The following ZNF813 variants were observed in gnomAD, a reference collection of about 807,000 sequenced individuals.
ZNF813 encodes zinc finger protein 813.
A neutral mutation model predicts 7.2 loss-of-function variants in ZNF813; 3 were observed. That is an observed-to-expected ratio of 0.42 (90% confidence interval 0.19 to 1.08). The LOEUF (loss-of-function observed/expected upper bound fraction) is 1.08, where lower values mean the gene tolerates loss of function less well. Ranked by LOEUF, ZNF813 falls within the 50% of genes least tolerant of loss-of-function variation. The pLI is 0.30. For synonymous variants in ZNF813, 227 were observed against 256.3 expected (o/e 0.89, Z 1.09); for missense variants, 714 against 753.3 (o/e 0.95, Z 0.61).
At chr19:53,469,808 TA>T (rs1176091225) in intron 1 of ZNF813, among the ~76,000 whole-genome samples, 105 of 126,462 alleles carry the variant, frequency 8.3e-4, no homozygotes, top group Middle Eastern at 3.9e-3. Flanking sequence ...GGACAGGGGG[TA>T]TAACAGGGAA....
chr19:53,472,493 C>A (rs1018919849), intron 1 of ZNF813, among the ~76,000 whole-genome samples: 2 of 151,706 alleles, frequency 1.3e-5, no homozygotes, highest in African/African-American at 4.9e-5. Context: ...TTTCTTTTGA[C>A]CTTGCATGTA....
At chr19:53,473,035 T>C (rs1423472819) in intron 1 of ZNF813, among the ~76,000 whole-genome samples, 1 of 152,172 alleles carries the variant, frequency 6.6e-6, no homozygotes, top group Non-Finnish European at 1.5e-5. Context: ...CACATTTCTA[T>C]AGTTGCTTTT....
chr19:53,475,272 TC>T (rs2086376733), intron 1 of ZNF813, among the ~76,000 whole-genome samples: 2 of 152,368 alleles, frequency 1.3e-5, no homozygotes, highest in African/African-American at 4.8e-5. Context: ...GAGCTGATGT[TC>T]CGGTAGGCAG....
intron 1 of ZNF813, among the ~76,000 whole-genome samples, chr19:53,475,143 CTTTA>C (rs2086376291): frequency 6.6e-6 from 1 of 152,140 alleles, no homozygotes; most frequent in South Asian, 2.1e-4. Context: ...AGTCCTCTCT[CTTTA>C]TATATAGTTC....
intron 1 of ZNF813, among the ~76,000 whole-genome samples, chr19:53,481,429 C>T (rs2086408321): frequency 6.8e-6 from 1 of 147,762 alleles, no homozygotes; most frequent in Non-Finnish European, 1.5e-5. Flanking sequence ...TCACTACAAC[C>T]TCTGCCTCCT....
intron 1 of ZNF813, among the ~76,000 whole-genome samples, chr19:53,482,354 C>T (rs1378914865): frequency 6.6e-6 from 1 of 152,186 alleles, no homozygotes; most frequent in African/African-American, 2.4e-5. Flanking sequence ...TCCCGTGTTC[C>T]CCAGGACAAA....
chr19:53,480,109 C>T, intron 1 of ZNF813: 6 of 761,838 alleles, frequency 7.9e-6, no homozygotes. Context: ...CAGTCCCACC[C>T]TGCTGCTGCT....
Position 53,491,801 on chromosome 19 carries a change from C to T in ZNF813, c.1569C>T (p.Tyr523=), listed in dbSNP as rs1179165644. Residue 523 remains tyrosine (Y), a synonymous_variant, in exon 4 of 4, where the codon TAC becomes TAT. Transcript: ENST00000396403. ...GACTTCATACTGGAGAGAAACCTTA[C>T]AAGTGTAATGAATGTGGCAAGGTTT... ...HHRLHTGEKP[Y]KCNECGKVFN... 1.2e-6 allele frequency: 2 copies of T among 1,613,720 alleles called. No homozygotes were observed. The highest frequency in any genetic ancestry group is 1.1e-5 in the South Asian group (1 of 90,992).
At position 53,491,869 on chromosome 19, in the gene ZNF813, C is replaced by A. The variant is rs1340855980; in HGVS notation, c.1637C>A (p.Thr546Asn). 1 of 1,613,276 alleles carries A rather than the reference C, an allele frequency of 6.2e-7. No homozygotes were observed. Among genetic ancestry groups the A allele is most frequent in the African/African-American group, 1.3e-5 (1 of 74,856 alleles). The change falls in exon 4 of 4, where the codon ACT (threonine) becomes AAT (asparagine). Residue 546 changes from threonine (T) to asparagine (N), a missense_variant. Around this residue, in one of 3 missense-constraint regions of ZNF813, gnomAD observed 122 missense variants for 146.8 expected, o/e 0.83. Transcript: ENST00000396403. ...CTTGCACATCATCATAGACTTCATA[C>A]TGGAGATAAACCTTACAAGTGTAAT... Reference protein sequence around the residue: ...THLAHHHRLHTGDKPYKCNEC... With the variant: ...THLAHHHRLHNGDKPYKCNEC...
Position 53,482,905 on chromosome 19 carries a change from A to G in ZNF813, c.-73-845A>G, listed in dbSNP as rs1316094481. ...ACACCCAGCTAATTATTGTATTTTT[A>G]TTTTTATTTTATTTTATTTTATTTT... On this transcript the variant is annotated intron_variant, in intron 1 of 3. Transcript: ENST00000396403. Among the ~76,000 whole-genome samples, 4 of 146,230 alleles carry G rather than the reference A, an allele frequency of 2.7e-5. No individual in the cohort carries two copies. In the East Asian group the frequency reaches 7.9e-4, roughly 29 times the overall value.
At chr19:53,475,920 G>A (rs771862957) in intron 1 of ZNF813, among the ~76,000 whole-genome samples, 62 of 152,076 alleles carry the variant, frequency 4.1e-4, no homozygotes, top group Non-Finnish European at 7.5e-4. Flanking sequence ...TCTTGATTAG[G>A]TTTTCAAAGG....
At chr19:53,480,542 T>C (rs985722475) in intron 1 of ZNF813, among the ~76,000 whole-genome samples, 5 of 152,170 alleles carry the variant, frequency 3.3e-5, no homozygotes, top group African/African-American at 1.2e-4. Context: ...TTGCATCTGG[T>C]TCAGATCAAG....
chr19:53,468,229 C>T (rs911829392), intron 1 of ZNF813, among the ~76,000 whole-genome samples: 2 of 128,914 alleles, frequency 1.6e-5, no homozygotes, highest in Non-Finnish European at 3.5e-5. Context: ...GCCCCCCCCC[C>T]CCCACCTCCC....
chr19:53,470,376 A>G (rs529405754), intron 1 of ZNF813, among the ~76,000 whole-genome samples: 31 of 148,052 alleles, frequency 2.1e-4, no homozygotes, highest in African/African-American at 7.8e-4. Flanking sequence ...TTTTTTTTTA[A>G]TTTCTGCCTG....
chr19:53,488,112 A>G (rs909867578), intron 3 of ZNF813: 8 of 364,996 alleles, frequency 2.2e-5, no homozygotes, highest in East Asian at 8.4e-5. Context: ...CCAACCTCCA[A>G]CTCCCAGGTT....
chr19:53,487,115 T>C (rs892348055), intron 3 of ZNF813, among the ~76,000 whole-genome samples: 2 of 151,946 alleles, frequency 1.3e-5, no homozygotes, highest in African/African-American at 2.4e-5. Context: ...CCATAACTAA[T>C]TATTGGCTTT....
chr19:53,468,104 C>A (rs2086336311), intron 1 of ZNF813, among the ~76,000 whole-genome samples: 1 of 152,222 alleles, frequency 6.6e-6, no homozygotes, highest in African/African-American at 2.4e-5. Flanking sequence ...GGGGTGGATT[C>A]TCGCCCACTT....
chr19:53,472,608 TTTC>T lies in ZNF813; in HGVS notation c.-74+4822_-74+4824del, dbSNP rs1472502585. ...GATGGTCTGATTATAAGTACAAGTCTTTCTTTTTTTTTTTTTTTTTTGAGATGG... is the reference window on the plus strand; with the variant it reads ...GATGGTCTGATTATAAGTACAAGTCTTTTTTTTTTTTTTTTTTTGAGATGG... On this transcript the variant is annotated intron_variant, in intron 1 of 3. Transcript: ENST00000396403. 8.2e-3 allele frequency among the ~76,000 whole-genome samples: 1,059 copies of T among 128,668 alleles called. 64 individuals carry two copies. The highest frequency in any genetic ancestry group is 0.03 in the African/African-American group (1,004 of 33,530). The allele number at this position is 128,668 out of a possible 152,430, so 84.4% of individuals were successfully genotyped here.
Position 53,492,107 on chromosome 19 carries a change from T to C in ZNF813, c.*21T>C, listed in dbSNP as rs2086466936. 1 of 1,594,470 alleles carries C rather than the reference T, an allele frequency of 6.3e-7. No individual in the cohort carries two copies. The highest frequency in any genetic ancestry group is 8.5e-7 in the Non-Finnish European group (1 of 1,170,160). On this transcript the variant is annotated 3_prime_UTR_variant, in exon 4 of 4. Transcript: ENST00000396403. ...ATTGAAAAGCAAAGCTTGCACATCA[T>C]CATACAATTCATACTGGAAAGAAAC...
Sources: allele counts gnomAD v4.1 joint callset (sites outside exome capture counted in the v4.1 genomes callset), GRCh38; gene constraint gnomAD v4.1.1; regional missense constraint gnomAD v4.1.1; transcripts MANE v1.5; gene names NCBI Gene and HGNC (gene_info 2026-07-23, HGNC 2026-07-21).